TRIQK: variants seen among roughly 807,000 people sequenced by gnomAD.
TRIQK encodes the protein triple QxxK/R motif containing.
Under a neutral mutation model 10.8 loss-of-function variants are expected in TRIQK, and 10 were observed. The observed-to-expected ratio is 0.92, with a 90% CI of 0.57 to 1.57. The LOEUF (loss-of-function observed/expected upper bound fraction) is 1.57. TRIQK is among the 40% of genes most tolerant of loss of function. The probability of loss-of-function intolerance (pLI) is 0.00; values close to 1 mark genes in which losing one functional copy is unlikely to be tolerated. For missense variants in TRIQK, 107 were observed against 97.7 expected (o/e 1.09, Z -0.40); for synonymous variants, 33 against 33.7 (o/e 0.98, Z 0.07).
intron 1 of TRIQK, among the ~76,000 whole-genome samples, chr8:93,014,830 C>T (rs1010240851): frequency 2.6e-5 from 4 of 151,978 alleles, no homozygotes; most frequent in African/African-American, 9.7e-5. Context: ...AGAGCAATAA[C>T]TGATTGTTAG....
At chr8:92,952,187 C>G (rs141763315) in intron 2 of TRIQK, among the ~76,000 whole-genome samples, 1 of 151,874 alleles carries the variant, frequency 6.6e-6, no homozygotes, top group East Asian at 1.9e-4. Context: ...ATTAATATGC[C>G]AAGGGCTCTA....
intron 1 of TRIQK, among the ~76,000 whole-genome samples, chr8:92,958,259 A>G (rs1435802512): frequency 1.3e-5 from 2 of 151,880 alleles, no homozygotes; most frequent in African/African-American, 2.4e-5. Flanking sequence ...ACTTATTTCA[A>G]TGTTGCTCAG....
intron 4 of TRIQK, among the ~76,000 whole-genome samples, chr8:92,887,122 G>C (rs1816524752): frequency 6.6e-6 from 1 of 151,006 alleles, no homozygotes; most frequent in Admixed American, 6.6e-5. Flanking sequence ...TTTATTTGTG[G>C]CTTCAATACA....
chr8:92,934,971 T>C (rs1810910257), intron 2 of TRIQK, among the ~76,000 whole-genome samples: 1 of 151,854 alleles, frequency 6.6e-6, no homozygotes, highest in Admixed American at 6.6e-5. Flanking sequence ...TAAGTAGATT[T>C]CCTGTTACAA....
intron 3 of TRIQK, among the ~76,000 whole-genome samples, chr8:92,904,768 T>A (rs954878175): frequency 3.9e-5 from 6 of 152,172 alleles, no homozygotes; most frequent in African/African-American, 1.4e-4. Context: ...GACAATGATA[T>A]GATGTAAGTC....
At chr8:92,925,920 T>C (rs1810423205) in intron 2 of TRIQK, among the ~76,000 whole-genome samples, 1 of 152,034 alleles carries the variant, frequency 6.6e-6, no homozygotes, top group South Asian at 2.1e-4. Flanking sequence ...GCTTTGTTCA[T>C]AATAGTTGAA....
chr8:92,892,697 T>G (rs1024978156), intron 3 of TRIQK, among the ~76,000 whole-genome samples: 6 of 151,986 alleles, frequency 3.9e-5, no homozygotes, highest in African/African-American at 9.7e-5. Flanking sequence ...ATTTAGATAT[T>G]AGTTTCAATA....
chr8:92,941,689 G>C (rs1811277688), intron 2 of TRIQK, among the ~76,000 whole-genome samples: 1 of 152,120 alleles, frequency 6.6e-6, no homozygotes, highest in East Asian at 1.9e-4. Context: ...CAAACTCTTA[G>C]CCAAACTACA....
chr8:92,920,869 T>C (rs1236333760), intron 2 of TRIQK, among the ~76,000 whole-genome samples: 1 of 151,714 alleles, frequency 6.6e-6, no homozygotes. Context: ...TATACAGCAG[T>C]ACCCAAGGAA....
rs193206037 is a variant in TRIQK at position 92,913,435 on chromosome 8, G to A, written c.61+3494C>T. ...CACAGTGAGACACCATCTCATGACA[G>A]TCAGAATGGCAATCATTAAAAAGTC... is the stretch of plus-strand genomic sequence containing the variant. On this transcript the variant is annotated intron_variant, in intron 3 of 4. Coordinates refer to ENST00000521988, the MANE Select transcript of TRIQK (RefSeq NM_001171797.2). Among the ~76,000 whole-genome samples, 3 of 152,282 alleles carry A rather than the reference G, an allele frequency of 2.0e-5. No homozygotes were observed. In the East Asian group the frequency reaches 5.8e-4, roughly 29 times the overall value.
intron 2 of TRIQK, among the ~76,000 whole-genome samples, chr8:92,943,312 GA>G: frequency 6.6e-6 from 1 of 152,054 alleles, no homozygotes; most frequent in East Asian, 1.9e-4. Context: ...CATACAAGTG[GA>G]AAAAAACTAT....
chr8:92,920,100 G>T (rs1272824947), intron 2 of TRIQK, among the ~76,000 whole-genome samples: 4 of 150,304 alleles, frequency 2.7e-5, no homozygotes, highest in Non-Finnish European at 4.5e-5. Flanking sequence ...GATTTTTTTT[G>T]TATTTTTTTG....
intron 1 of TRIQK, among the ~76,000 whole-genome samples, chr8:92,975,661 CTTA>C (rs1812922953): frequency 6.6e-6 from 1 of 151,742 alleles, no homozygotes; most frequent in Non-Finnish European, 1.5e-5. Context: ...TTTTCAGATT[CTTA>C]TTTTATTGAT....
intron 2 of TRIQK, among the ~76,000 whole-genome samples, chr8:92,940,870 T>C (rs1811235462): frequency 6.6e-6 from 1 of 152,204 alleles, no homozygotes. Flanking sequence ...ATAGATCATA[T>C]GTTAGATCAC....
upstream of TRIQK, among the ~76,000 whole-genome samples, chr8:92,968,167 T>G (rs1812836362): frequency 6.6e-6 from 1 of 152,234 alleles, no homozygotes; most frequent in Admixed American, 6.5e-5. Context: ...TTCTATGGTG[T>G]ATATGTGCCA....
At chr8:92,952,565 A>C (rs745749810) in intron 2 of TRIQK, among the ~76,000 whole-genome samples, 1 of 152,054 alleles carries the variant, frequency 6.6e-6, no homozygotes, top group Non-Finnish European at 1.5e-5. Context: ...ATAATGACTG[A>C]GAATAAATGT....
intron 1 of TRIQK, among the ~76,000 whole-genome samples, chr8:92,985,788 T>C (rs567378367): frequency 9.2e-4 from 140 of 152,254 alleles, no homozygotes; most frequent in African/African-American, 3.2e-3. Flanking sequence ...CTCTTGTCAA[T>C]AAGATCAGAT....
chr8:92,944,191 A>G (rs1204540500), intron 2 of TRIQK, among the ~76,000 whole-genome samples: 3 of 152,138 alleles, frequency 2.0e-5, no homozygotes, highest in Admixed American at 1.3e-4. Context: ...ATTATCAAAA[A>G]GATAATTAAA....
chr8:93,003,470 C>T (rs1290344547), intron 1 of TRIQK, among the ~76,000 whole-genome samples: 1 of 152,126 alleles, frequency 6.6e-6, no homozygotes, highest in Admixed American at 6.5e-5. Context: ...TATTTCCCTC[C>T]CCCATCACTG....
Sources: gnomAD v4.1 joint callset for allele counts (sites outside exome capture counted in the v4.1 genomes callset) on GRCh38, gnomAD v4.1.1 for gene constraint, MANE v1.5 for transcripts, NCBI Gene and HGNC (gene_info 2026-07-23, HGNC 2026-07-21) for gene names.